BIN3: variants seen among roughly 807,000 people sequenced by gnomAD.
BIN3 encodes the protein bridging integrator 3.
Under a neutral mutation model 38.2 loss-of-function variants are expected in BIN3, and 41 were observed. That is an observed-to-expected ratio of 1.07 (90% confidence interval 0.84 to 1.39). The LOEUF (loss-of-function observed/expected upper bound fraction) is 1.39, where lower values mean the gene tolerates loss of function less well. BIN3 is among the 40% of genes most tolerant of loss of function. BIN3 has a pLI of 0.00. For missense variants in BIN3, 361 were observed against 324.3 expected, an observed-to-expected ratio of 1.11 and a Z score of -0.87; for synonymous variants, 145 against 122.6, an observed-to-expected ratio of 1.18 and a Z score of -1.21.
At chr8:22,668,297 T>C (rs571594538) in intron 1 of BIN3, among the ~76,000 whole-genome samples, 2 of 152,314 alleles carry the variant, frequency 1.3e-5, no homozygotes, top group Admixed American at 6.5e-5. Flanking sequence ...ACAAAATAAA[T>C]ACACCATTAT....
intron 1 of BIN3, among the ~76,000 whole-genome samples, chr8:22,648,894 C>CGTACGTATGTAT (rs1802792361): frequency 6.8e-6 from 1 of 147,902 alleles, no homozygotes; most frequent in Admixed American, 6.7e-5. Flanking sequence ...TCCACATCAA[C>CGTACGTATGTAT]GTATGTATGT....
rs945506665 is a variant in BIN3, at chr8:22,621,196, A to G, written c.*226T>C. 5.1e-5 allele frequency: 29 copies of G among 574,078 alleles called. No individual in the cohort carries two copies. Among genetic ancestry groups the G allele is most frequent in the Non-Finnish European group, 7.6e-5 (25 of 327,990 alleles). 35.6% of individuals were successfully genotyped at this position (574,078 alleles called of 1,614,324 possible). On this transcript the variant is annotated 3_prime_UTR_variant, in exon 9 of 9. Transcript: ENST00000276416. ...ACGGTTCTCCAAATAAAAAAGCCCCAAGGGTTTGTCTACACTGCTTACCTG... is the reference window on the plus strand; with the variant it reads ...ACGGTTCTCCAAATAAAAAAGCCCCGAGGGTTTGTCTACACTGCTTACCTG...
intron 1 of BIN3, among the ~76,000 whole-genome samples, chr8:22,659,340 C>G (rs4451313): frequency 6.6e-6 from 1 of 152,168 alleles, no homozygotes; most frequent in East Asian, 1.9e-4. Context: ...AAATTGACCC[C>G]GACCCGCCAA....
At chr8:22,661,863 T>A (rs542810241) in intron 1 of BIN3, among the ~76,000 whole-genome samples, 20 of 152,240 alleles carry the variant, frequency 1.3e-4, no homozygotes, top group Admixed American at 9.2e-4. Flanking sequence ...TGATCTCAGC[T>A]CACTGCAATC....
chr8:22,663,901 C>A (rs1803325844), intron 1 of BIN3, among the ~76,000 whole-genome samples: 1 of 152,216 alleles, frequency 6.6e-6, no homozygotes, highest in African/African-American at 2.4e-5. Flanking sequence ...TGATGCCATA[C>A]TGACATTTAG....
Position 22,664,996 on chromosome 8 carries a change from C to A in BIN3, c.8+4048G>T, listed in dbSNP as rs148372800. Among the ~76,000 whole-genome samples, 5 of 152,312 alleles carry A rather than the reference C, an allele frequency of 3.3e-5. No homozygotes were observed. The East Asian group carries it at 5.8e-4, about 18-fold the overall frequency. ...CACTATGTGCATGATACCCACTATG[C>A]GTACAAAAAGATGAAGAAGCTCTAT... On this transcript the variant is annotated intron_variant, in intron 1 of 8. Coordinates refer to ENST00000276416, the MANE Select transcript of BIN3 (RefSeq NM_018688.6).
At chr8:22,621,697 G>A in intron 8 of BIN3, 129 bp from the exon 9 acceptor site, 1 of 1,017,154 alleles carries the variant, frequency 9.8e-7, no homozygotes, top group Non-Finnish European at 1.4e-6. Context: ...GCGTGCCTTT[G>A]GGGATATGCA....
At position 22,663,440 on chromosome 8, in the gene BIN3, TAAAAAAAAAA is replaced by T. The variant is rs35060338; in HGVS notation, c.8+5594_8+5603del. 2.7e-3 allele frequency among the ~76,000 whole-genome samples: 351 copies of T among 128,684 alleles called. 6 individuals carry two copies. The East Asian group carries it at 0.067, about 25-fold the overall frequency. The allele number at this position is 128,684 out of a possible 152,430, so 84.4% of individuals were successfully genotyped here. On this transcript the variant is annotated intron_variant, in intron 1 of 8. Transcript: ENST00000276416. ...CAACAGTGAGACCCCCCGATTTGTT[TAAAAAAAAAA>T]AAAAAAAAAAAAGGAAACTATTGTC...
At chr8:22,629,542 G>A (rs1802113776) in intron 6 of BIN3, among the ~76,000 whole-genome samples, 1 of 152,258 alleles carries the variant, frequency 6.6e-6, no homozygotes, top group African/African-American at 2.4e-5. Flanking sequence ...CGTTTCCAGA[G>A]CCGAGTGCTG....
In BIN3 at chr8:22,669,113, T is replaced by C. The variant is rs1206546109; in HGVS notation, c.-62A>G. 1 of 1,560,184 alleles carries C rather than the reference T, an allele frequency of 6.4e-7. No homozygotes were observed. Among genetic ancestry groups the C allele is most frequent in the African/African-American group, 1.4e-5 (1 of 73,462 alleles). On this transcript the variant is annotated 5_prime_UTR_variant, in exon 1 of 9. Coordinates refer to ENST00000276416, the MANE Select transcript of BIN3 (RefSeq NM_018688.6). ...CACAACTCGTTTCTCTAGGGTCACT[T>C]CCGGATTCAACCAGTCTCCAGGAAG...
chr8:22,632,689 C>T (rs899079430), intron 4 of BIN3, among the ~76,000 whole-genome samples: 4 of 147,096 alleles, frequency 2.7e-5, no homozygotes, highest in African/African-American at 7.5e-5. Context: ...AGCGAGGACA[C>T]GGTCTTTCCA....
At chr8:22,624,153 G>C (rs989875167) in intron 7 of BIN3, 69 bp downstream of exon 7, 14 of 1,589,364 alleles carry the variant, frequency 8.8e-6, no homozygotes, top group Admixed American at 6.8e-5. Flanking sequence ...CAGGTGAGGG[G>C]AGGGACTTAC....
rs183280371 is a variant in BIN3 at position 22,636,942 on chromosome 8, C to T, written c.78G>A (p.Arg26=). 1.7e-5 allele frequency: 27 copies of T among 1,613,290 alleles called. No individual in the cohort carries two copies. The East Asian group carries it at 3.3e-4, about 20-fold the overall frequency. ...CTCACTGCTGAAGTTTTCCATACTC[C>T]CTTTCAAAGTCTCTCTCCACCTGAA... ...VPKTVERDFE[R]EYGKLQQLEE... is the part of the protein sequence containing the mutation. The change falls in exon 3 of 9, where the codon AGG becomes AGA. Residue 26 remains arginine (R), a synonymous_variant. Coordinates refer to ENST00000276416, the MANE Select transcript of BIN3 (RefSeq NM_018688.6).
intron 6 of BIN3, chr8:22,625,438 A>C (rs1361805707): frequency 1.4e-6 from 1 of 702,326 alleles, no homozygotes; most frequent in Admixed American, 2.0e-5. Context: ...AGGAACCCAG[A>C]GAGGAGGAAA....
chr8:22,625,072 T>G, intron 6 of BIN3: 1 of 432,804 alleles, frequency 2.3e-6, no homozygotes, highest in Non-Finnish European at 4.1e-6. Context: ...TCCAACCAGC[T>G]GCTTCAGGAA....
At chr8:22,626,052 G>C (rs1234820247) in intron 6 of BIN3, 1 of 152,546 alleles carries the variant, frequency 6.6e-6, no homozygotes, top group Admixed American at 6.5e-5. Flanking sequence ...TTATCCCCAA[G>C]ACAGGAATCC....
At chr8:22,647,562 C>T (rs975660443) in intron 1 of BIN3, among the ~76,000 whole-genome samples, 13 of 152,162 alleles carry the variant, frequency 8.5e-5, no homozygotes, top group Admixed American at 4.6e-4. Context: ...ATGAAAACAC[C>T]TAGTCTCAAA....
At chr8:22,660,771 A>T (rs575444504) in intron 1 of BIN3, among the ~76,000 whole-genome samples, 28 of 152,394 alleles carry the variant, frequency 1.8e-4, no homozygotes, top group South Asian at 2.1e-4. Flanking sequence ...GGCTTTGTCA[A>T]ATTCTAACGA....
chr8:22,649,266 T>C (rs1323866801), intron 1 of BIN3, among the ~76,000 whole-genome samples: 1 of 152,212 alleles, frequency 6.6e-6, no homozygotes. Context: ...TATGGAATGC[T>C]TTCTCTGCTC....
Sources: allele counts gnomAD v4.1 joint callset (sites outside exome capture counted in the v4.1 genomes callset), GRCh38; gene constraint gnomAD v4.1.1; transcripts MANE v1.5; gene names NCBI Gene and HGNC (gene_info 2026-07-23, HGNC 2026-07-21).